Variants in CDH13 observed in about 807,000 individuals in gnomAD.
CDH13 encodes cadherin 13, also known as cadherin-13.
A neutral mutation model predicts 63.8 loss-of-function variants in CDH13; 24 were observed. That is an observed-to-expected ratio of 0.38 (90% CI 0.27 to 0.53). CDH13 has a LOEUF of 0.53. Ranked by LOEUF, CDH13 falls within the 20% of genes least tolerant of loss-of-function variation. The pLI is 0.85. For missense variants in CDH13, 1,049 were observed against 903.1 expected (o/e 1.16, Z -2.07); for synonymous variants, 503 against 355.3 (o/e 1.42, Z -4.67).
intron 1 of CDH13, among the ~76,000 whole-genome samples, chr16:82,720,257 AAAAC>A (rs2032682015): frequency 1.3e-5 from 2 of 152,236 alleles, no homozygotes; most frequent in Admixed American, 6.5e-5. Context: ...GTGCAGTTTG[AAAAC>A]AAACAATTCC....
chr16:83,131,163 G>A (rs1295712793), intron 4 of CDH13, among the ~76,000 whole-genome samples: 1 of 150,658 alleles, frequency 6.6e-6, no homozygotes, highest in Non-Finnish European at 1.5e-5. Flanking sequence ...AGCAGGTGGG[G>A]AGTATAAGGG....
chr16:82,833,464 A>G (rs771083248), intron 1 of CDH13, among the ~76,000 whole-genome samples: 2 of 152,214 alleles, frequency 1.3e-5, no homozygotes, highest in Non-Finnish European at 2.9e-5. Flanking sequence ...GGAACCCAAC[A>G]GCCTGTTGCT....
At chr16:83,647,053 G>A (rs1911890419) in intron 8 of CDH13, among the ~76,000 whole-genome samples, 1 of 152,088 alleles carries the variant, frequency 6.6e-6, no homozygotes, top group Non-Finnish European at 1.5e-5. Context: ...GCTCACGCCT[G>A]TAATCCCAGC....
At position 83,289,296 on chromosome 16, in the gene CDH13, T is replaced by C. The variant is rs73595948; in HGVS notation, c.637-55566T>C. 4.7e-3 allele frequency among the ~76,000 whole-genome samples: 720 copies of C among 152,296 alleles called. 4 individuals carry two copies. Among genetic ancestry groups the C allele is most frequent in the African/African-American group, 0.017 (695 of 41,560 alleles). Reference sequence around the variant, plus strand: ...ACACCAGCTTCACTACCCGGTTATATTAATCTCATGTATTTTTGGTATCTG... The same window carrying C: ...ACACCAGCTTCACTACCCGGTTATACTAATCTCATGTATTTTTGGTATCTG... On this transcript the variant is annotated intron_variant, in intron 5 of 13. Coordinates refer to ENST00000567109, the MANE Select transcript of CDH13 (RefSeq NM_001257.5).
At chr16:82,676,007 G>T (rs1485295091) in intron 1 of CDH13, among the ~76,000 whole-genome samples, 3 of 152,150 alleles carry the variant, frequency 2.0e-5, no homozygotes, top group African/African-American at 7.2e-5. Flanking sequence ...CTGTTTTATT[G>T]TTCAAAGGAC....
At chr16:82,799,888 C>G (rs982479311) in intron 1 of CDH13, among the ~76,000 whole-genome samples, 1 of 152,162 alleles carries the variant, frequency 6.6e-6, no homozygotes, top group Non-Finnish European at 1.5e-5. Flanking sequence ...CACTACCAGG[C>G]TTTTAGCTGT....
intron 3 of CDH13, among the ~76,000 whole-genome samples, chr16:83,105,232 C>A (rs934039172): frequency 6.6e-6 from 1 of 152,182 alleles, no homozygotes; most frequent in Non-Finnish European, 1.5e-5. Flanking sequence ...ACCTGAGGAG[C>A]TGAGTTTTCC....
chr16:83,223,731 G>C (rs1015386028), intron 5 of CDH13, among the ~76,000 whole-genome samples: 1 of 152,194 alleles, frequency 6.6e-6, no homozygotes, highest in Non-Finnish European at 1.5e-5. Flanking sequence ...AAGAGAGCTG[G>C]GTCAACATAG....
intron 6 of CDH13, among the ~76,000 whole-genome samples, chr16:83,459,670 G>GT (rs745766004): frequency 6.6e-6 from 1 of 152,164 alleles, no homozygotes; most frequent in Non-Finnish European, 1.5e-5. Flanking sequence ...AATTTTGATG[G>GT]TTTCATGTAA....
intron 7 of CDH13, among the ~76,000 whole-genome samples, chr16:83,527,777 T>TGTC (rs2074997896): frequency 1.3e-5 from 2 of 152,228 alleles, no homozygotes; most frequent in African/African-American, 2.4e-5. Context: ...CGGTTGTTGT[T>TGTC]GTCATTTGGG....
chr16:82,770,636 A>G (rs2035224215), intron 1 of CDH13, among the ~76,000 whole-genome samples: 1 of 152,208 alleles, frequency 6.6e-6, no homozygotes, highest in African/African-American at 2.4e-5. Context: ...TCAATTTTCA[A>G]TTACTGCATA....
At chr16:83,488,532 A>T (rs1321015696) in intron 7 of CDH13, among the ~76,000 whole-genome samples, 8 of 152,358 alleles carry the variant, frequency 5.3e-5, no homozygotes, top group Admixed American at 2.0e-4. Context: ...TTTCTAGTTA[A>T]AGAATAGGGA....
intron 6 of CDH13, among the ~76,000 whole-genome samples, chr16:83,437,390 G>C (rs894408382): frequency 6.6e-6 from 1 of 152,138 alleles, no homozygotes; most frequent in Non-Finnish European, 1.5e-5. Context: ...ATAAGATAAA[G>C]GCTGGCCGGG....
chr16:83,624,128 T>C (rs748974600), intron 8 of CDH13, among the ~76,000 whole-genome samples: 1 of 152,094 alleles, frequency 6.6e-6, no homozygotes, highest in African/African-American at 2.4e-5. Context: ...TCTGCCTGTC[T>C]CTCTATGTTG....
rs1316450323 is a variant in CDH13 at position 83,505,546 on chromosome 16, T to G, written c.960+18891T>G. 1.3e-4 allele frequency among the ~76,000 whole-genome samples: 19 copies of G among 147,522 alleles called. No homozygotes were observed. In the East Asian group the frequency reaches 2.8e-3, roughly 21 times the overall value. Reference sequence around the variant, plus strand: ...GTGATTAATCCTTTTTTTTTTTTTTTTTTTTTTTTTTTTGAGAAGGAGTTT... The same window carrying G: ...GTGATTAATCCTTTTTTTTTTTTTTGTTTTTTTTTTTTTGAGAAGGAGTTT... On this transcript the variant is annotated intron_variant, in intron 7 of 13. Transcript: ENST00000567109.
intron 1 of CDH13, among the ~76,000 whole-genome samples, chr16:82,726,395 C>A (rs2033096788): frequency 1.3e-5 from 2 of 152,162 alleles, no homozygotes; most frequent in Non-Finnish European, 2.9e-5. Context: ...GTGGACATTG[C>A]AGCTGGAATT....
At chr16:83,115,497 T>C (rs537325425) in intron 3 of CDH13, among the ~76,000 whole-genome samples, 105 of 152,230 alleles carry the variant, frequency 6.9e-4, no homozygotes, top group Non-Finnish European at 1.3e-3. Context: ...TCCAAAGGAA[T>C]AACCCTCAGG....
intron 6 of CDH13, among the ~76,000 whole-genome samples, chr16:83,445,029 A>T (rs1457609183): frequency 6.6e-6 from 1 of 152,140 alleles, no homozygotes; most frequent in Non-Finnish European, 1.5e-5. Context: ...AAATGAGGCC[A>T]TGCTAGTTAA....
chr16:83,298,935 A>G (rs1301411117), intron 5 of CDH13, among the ~76,000 whole-genome samples: 1 of 152,196 alleles, frequency 6.6e-6, no homozygotes, highest in Non-Finnish European at 1.5e-5. Flanking sequence ...AAATTTATAT[A>G]ATTTTTACTG....
Sources: gnomAD v4.1 joint callset for allele counts (sites outside exome capture counted in the v4.1 genomes callset) on GRCh38, gnomAD v4.1.1 for gene constraint, MANE v1.5 for transcripts, NCBI Gene and HGNC (gene_info 2026-07-23, HGNC 2026-07-21) for gene names.